PPP1R9A: variants seen among roughly 807,000 people sequenced by gnomAD.
PPP1R9A encodes the protein neurabin-1.
A neutral mutation model predicts 141.9 loss-of-function variants in PPP1R9A; 59 were observed. The observed-to-expected ratio is 0.42, with a 90% CI of 0.34 to 0.52. The LOEUF (loss-of-function observed/expected upper bound fraction) is 0.52. Among genes scored for constraint, PPP1R9A ranks in the 20% least tolerant of loss-of-function variants. The pLI, the probability that PPP1R9A is intolerant of heterozygous loss-of-function variation, is 0.10. For missense variants in PPP1R9A, 1,444 were observed against 1,611.9 expected (o/e 0.90, Z 1.78); for synonymous variants, 500 against 569.7 (o/e 0.88, Z 1.74).
chr7:95,083,160 A>G (rs750640444), intron 2 of PPP1R9A, among the ~76,000 whole-genome samples: 3 of 152,004 alleles, frequency 2.0e-5, no homozygotes, highest in Admixed American at 6.5e-5. Context: ...TTTATGTGAT[A>G]TAGGAGCCTT....
chr7:95,262,642 A>G (rs1160245798), intron 12 of PPP1R9A, among the ~76,000 whole-genome samples: 1 of 152,176 alleles, frequency 6.6e-6, no homozygotes, highest in Non-Finnish European at 1.5e-5. Context: ...GTGTAGGCTG[A>G]TCATAAACTG....
Position 95,063,687 on chromosome 7 carries a change from C to T in PPP1R9A, c.1396-47572C>T, listed in dbSNP as rs369252119. Among the ~76,000 whole-genome samples, 28 of 152,202 alleles carry T rather than the reference C, an allele frequency of 1.8e-4. No individual in the cohort carries two copies. The East Asian group carries it at 5.0e-3, about 27-fold the overall frequency. On this transcript the variant is annotated intron_variant, in intron 2 of 19. Coordinates refer to ENST00000433360, the MANE Select transcript of PPP1R9A (RefSeq NM_001166160.2). ...GTTTGCATATTGGATGCTACTTTGGCGTGCACTTGTACACTATAAACAGTT... is the reference window on the plus strand; with the variant it reads ...GTTTGCATATTGGATGCTACTTTGGTGTGCACTTGTACACTATAAACAGTT...
At chr7:95,139,338 G>A (rs997929480) in intron 4 of PPP1R9A, among the ~76,000 whole-genome samples, 2 of 152,132 alleles carry the variant, frequency 1.3e-5, no homozygotes, top group Non-Finnish European at 2.9e-5. Flanking sequence ...AGAACAGTAT[G>A]GAGGAAAACC....
intron 5 of PPP1R9A, among the ~76,000 whole-genome samples, chr7:95,188,449 A>G (rs1834967990): frequency 6.6e-6 from 1 of 152,050 alleles, no homozygotes; most frequent in Non-Finnish European, 1.5e-5. Context: ...ACCATTCTGT[A>G]TCTTTTAAGT....
At chr7:95,191,836 CA>C (rs1017766710) in intron 5 of PPP1R9A, among the ~76,000 whole-genome samples, 14 of 151,750 alleles carry the variant, frequency 9.2e-5, no homozygotes, top group Non-Finnish European at 1.8e-4. Flanking sequence ...TAGAATGTGA[CA>C]AGAGAAAATA....
intron 2 of PPP1R9A, among the ~76,000 whole-genome samples, chr7:94,925,214 G>A (rs746370751): frequency 6.6e-6 from 1 of 151,410 alleles, no homozygotes; most frequent in Non-Finnish European, 1.5e-5. Context: ...TTTTTTTTTT[G>A]CTTGTGGGGG....
chr7:94,963,438 T>C (rs1308555494), intron 2 of PPP1R9A, among the ~76,000 whole-genome samples: 4 of 152,168 alleles, frequency 2.6e-5, no homozygotes, highest in African/African-American at 9.7e-5. Flanking sequence ...ATTTTAGAAA[T>C]TTCCATCACC....
Position 95,087,991 on chromosome 7 carries a change from G to A in PPP1R9A, c.1396-23268G>A, listed in dbSNP as rs574035824. 2.5e-4 allele frequency among the ~76,000 whole-genome samples: 38 copies of A among 151,774 alleles called. 1 individual carries two copies. The highest frequency in any genetic ancestry group is 8.2e-4 in the African/African-American group (34 of 41,244). On this transcript the variant is annotated intron_variant, in intron 2 of 19. Transcript: ENST00000433360. ...GATCTTGAGATTTCTGGAGATACCA[G>A]TAAGAGTGTGTCAGAGAGAAGATGG...
At chr7:95,097,701 A>G (rs983144226) in intron 2 of PPP1R9A, among the ~76,000 whole-genome samples, 6 of 152,120 alleles carry the variant, frequency 3.9e-5, no homozygotes, top group African/African-American at 1.4e-4. Flanking sequence ...ACTTTTCTCA[A>G]TGCTCTTCAT....
intron 2 of PPP1R9A, among the ~76,000 whole-genome samples, chr7:95,025,546 T>C (rs1563137082): frequency 1.3e-5 from 2 of 152,170 alleles, no homozygotes; most frequent in African/African-American, 4.8e-5. Context: ...GACGATTATG[T>C]GTCTTGCAGT....
chr7:95,288,751 G>C (rs1481118949), intron 19 of PPP1R9A, 33 bp downstream of exon 19: 1 of 1,600,526 alleles, frequency 6.2e-7, no homozygotes, highest in Non-Finnish European at 8.5e-7. Flanking sequence ...TAGGTTACCA[G>C]GTATAATTTG....
At chr7:95,093,635 C>T (rs763544261) in intron 2 of PPP1R9A, among the ~76,000 whole-genome samples, 3 of 152,108 alleles carry the variant, frequency 2.0e-5, no homozygotes, top group Non-Finnish European at 2.9e-5. Flanking sequence ...ACCTACCCAT[C>T]AAAAGGAGAG....
intron 2 of PPP1R9A, among the ~76,000 whole-genome samples, chr7:95,077,046 C>T (rs995150965): frequency 3.3e-5 from 5 of 151,744 alleles, no homozygotes; most frequent in Admixed American, 2.0e-4. Flanking sequence ...TACTTTTAAC[C>T]TTTTAGAATG....
chr7:95,005,080 T>C (rs1803415402), intron 2 of PPP1R9A, among the ~76,000 whole-genome samples: 1 of 152,214 alleles, frequency 6.6e-6, no homozygotes. Flanking sequence ...GTTGGTTGGG[T>C]GCCAGGCTGC....
chr7:95,116,744 C>CT (rs1821592736), intron 3 of PPP1R9A, among the ~76,000 whole-genome samples: 1 of 152,068 alleles, frequency 6.6e-6, no homozygotes. Flanking sequence ...ATATGAATGA[C>CT]TTAATTTTCC....
intron 8 of PPP1R9A, among the ~76,000 whole-genome samples, chr7:95,235,756 A>C (rs1190307570): frequency 6.6e-6 from 1 of 152,218 alleles, no homozygotes; most frequent in African/African-American, 2.4e-5. Context: ...AATGCCCATC[A>C]ATCAATAAGT....
chr7:95,009,486 C>T (rs1319863133), intron 2 of PPP1R9A, among the ~76,000 whole-genome samples: 2 of 152,090 alleles, frequency 1.3e-5, no homozygotes, highest in Admixed American at 6.6e-5. Flanking sequence ...GTTTTGAGTT[C>T]CAGCTTTGAT....
Position 95,111,256 on chromosome 7 carries a change from C to A in PPP1R9A, c.1396-3C>A. ...TTATCATCTTGTTGGCCTCTTACTACAGGTTTTCAACACATACTCCAATGA... is the reference window on the plus strand; with the variant it reads ...TTATCATCTTGTTGGCCTCTTACTAAAGGTTTTCAACACATACTCCAATGA... On this transcript the variant is annotated splice_region_variant and splice_polypyrimidine_tract_variant and intron_variant, in intron 2 of 19. Transcript: ENST00000433360. 6.3e-7 allele frequency: 1 copy of A among 1,591,108 alleles called. No homozygotes were observed. The highest frequency in any genetic ancestry group is 8.6e-7 in the Non-Finnish European group (1 of 1,167,766).
At chr7:95,201,714 G>A (rs1002485951) in intron 6 of PPP1R9A, among the ~76,000 whole-genome samples, 1 of 152,060 alleles carries the variant, frequency 6.6e-6, no homozygotes, top group African/African-American at 2.4e-5. Flanking sequence ...ATATATAATT[G>A]AACAATTTAT....
Sources: allele counts gnomAD v4.1 joint callset (sites outside exome capture counted in the v4.1 genomes callset), GRCh38; gene constraint gnomAD v4.1.1; transcripts MANE v1.5; gene names NCBI Gene and HGNC (gene_info 2026-07-23, HGNC 2026-07-21).